The following HMCN1 variants were observed in gnomAD, a reference collection of about 807,000 sequenced individuals.
HMCN1 encodes hemicentin 1, also known as hemicentin-1.
In HMCN1, 321 loss-of-function variants were observed where a neutral mutation model predicts 625.9. That is an observed-to-expected ratio of 0.51 (90% CI 0.47 to 0.56). HMCN1 has a LOEUF of 0.56. HMCN1 is among the 20% of genes least tolerant of loss of function. HMCN1 has a pLI of 0.00. For missense variants in HMCN1, 6,588 were observed against 6,887.3 expected, an observed-to-expected ratio of 0.96 and a Z score of 1.54; for synonymous variants, 2,425 against 2,417.6, an observed-to-expected ratio of 1.00 and a Z score of -0.09.
Position 185,977,941 on chromosome 1 carries a change from T to C in HMCN1, c.2526T>C (p.Ser842=), listed in dbSNP as rs1206108562. ...MPIFSRPFSV[S]SISQLRTGAL... The stretch of plus-strand genomic sequence containing the variant: ...TTTTCTCAAGACCTTTTTCAGTTAG[T>C]TCCATCAGCCAACTAAGAACAGGAG... Residue 842 remains serine (S), a synonymous_variant, in exon 16 of 107, where the codon AGT becomes AGC. Coordinates refer to ENST00000271588, the MANE Select transcript of HMCN1 (RefSeq NM_031935.3). 1 of 1,613,246 alleles carries C rather than the reference T, an allele frequency of 6.2e-7. No homozygotes were observed. Among genetic ancestry groups the C allele is most frequent in the East Asian group, 2.2e-5 (1 of 44,800 alleles).
At chr1:185,854,581 C>T (rs1418859514) in intron 2 of HMCN1, among the ~76,000 whole-genome samples, 1 of 152,166 alleles carries the variant, frequency 6.6e-6, no homozygotes, top group Non-Finnish European at 1.5e-5. Context: ...CTGTCATCAG[C>T]TAAGTCCCTC....
intron 4 of HMCN1, among the ~76,000 whole-genome samples, chr1:185,903,212 G>T (rs898431388): frequency 1.5e-4 from 22 of 151,690 alleles, no homozygotes; most frequent in Non-Finnish European, 3.0e-4. Flanking sequence ...AATGTCTAAA[G>T]TGTGCTTTTA....
At position 186,003,831 on chromosome 1, in the gene HMCN1, T is replaced by C. The variant is rs778618316; in HGVS notation, c.4462T>C (p.Phe1488Leu). 1 of 1,613,304 alleles carries C rather than the reference T, an allele frequency of 6.2e-7. No homozygotes were observed. Among genetic ancestry groups the C allele is most frequent in the Non-Finnish European group, 8.5e-7 (1 of 1,179,420 alleles). ...KGTPFPDIHWFKDGKPLFLGD... is the reference protein window; with the variant it reads ...KGTPFPDIHWLKDGKPLFLGD... ...CACTCCCTTTCCTGATATTCATTGG[T>C]TCAAAGATGGCAAGTGAGTATCTTT... The change falls in exon 29 of 107, where the codon TTC (phenylalanine) becomes CTC (leucine). Residue 1488 changes from phenylalanine to leucine, a missense_variant. By Grantham distance (22) the Phe-to-Leu change is conservative (BLOSUM62 0). Coordinates refer to ENST00000271588, the MANE Select transcript of HMCN1 (RefSeq NM_031935.3).
At chr1:186,030,362 G>A (rs1655341487) in intron 36 of HMCN1, among the ~76,000 whole-genome samples, 2 of 151,858 alleles carry the variant, frequency 1.3e-5, no homozygotes, top group Admixed American at 6.6e-5. Context: ...GTGTATATTG[G>A]GGATCTGTTG....
intron 10 of HMCN1, 31 bp from the exon 11 acceptor site, chr1:185,933,518 C>T (rs1232433351): frequency 1.9e-6 from 3 of 1,613,110 alleles, no homozygotes; most frequent in African/African-American, 2.7e-5. Flanking sequence ...GCTTTTAGGT[C>T]TCTTGATTTG....
At chr1:186,163,758 T>A (rs1482913824) in intron 97 of HMCN1, among the ~76,000 whole-genome samples, 6 of 152,206 alleles carry the variant, frequency 3.9e-5, no homozygotes, top group African/African-American at 1.2e-4. Flanking sequence ...GGACAAATCA[T>A]CATCTTGCAA....
rs115067643 is a variant in HMCN1, at chr1:186,065,519, G to A, written c.7705+90G>A. ...CTTTTTCTGTTCAAGTAATGTTTCC[G>A]TCGTAGAATTTCATCATGTAAGGAG... On this transcript the variant is annotated intron_variant, in intron 49 of 106. Coordinates refer to ENST00000271588, the MANE Select transcript of HMCN1 (RefSeq NM_031935.3). 5.1e-3 allele frequency: 4,772 copies of A among 942,814 alleles called. 104 individuals are homozygous for A. The African/African-American group carries it at 0.057, about 11-fold the overall frequency. 58.4% of individuals were successfully genotyped at this position (942,814 alleles called of 1,614,324 possible). A position where few individuals can be genotyped will look rare whatever the true frequency, so the allele number is the denominator to read the frequency against.
intron 58 of HMCN1, 137 bp downstream of exon 58, chr1:186,086,544 A>C: frequency 2.4e-6 from 2 of 848,740 alleles, no homozygotes; most frequent in Admixed American, 4.4e-5. Flanking sequence ...CTCTTTGCCC[A>C]TTTGTGGTCA....
intron 4 of HMCN1, among the ~76,000 whole-genome samples, chr1:185,901,855 A>T (rs980504183): frequency 6.6e-6 from 1 of 151,794 alleles, no homozygotes; most frequent in Non-Finnish European, 1.5e-5. Context: ...CTTTGAAATG[A>T]GGTCTATATT....
rs149435109 is a variant in HMCN1, at chr1:186,074,822, G to A, written c.8221G>A (p.Gly2741Arg). 41 of 1,612,728 alleles carry A rather than the reference G, an allele frequency of 2.5e-5. No individual in the cohort carries two copies. The highest frequency in any genetic ancestry group is 1.1e-4 in the South Asian group (10 of 91,062). The change falls in exon 53 of 107, where the codon GGA (glycine) becomes AGA (arginine). Residue 2741 changes from glycine to arginine, a missense_variant. Transcript: ENST00000271588. ...AAAGGAGGCTCAAATATCAGACACC[G>A]GACGATATACTTGTGTAGCATCTAA... Reference protein sequence around the residue: ...QIKEAQISDTGRYTCVASNIA... With the variant: ...QIKEAQISDTRRYTCVASNIA...
chr1:185,738,208 A>G (rs991839115), intron 1 of HMCN1, among the ~76,000 whole-genome samples: 6 of 152,236 alleles, frequency 3.9e-5, no homozygotes, highest in East Asian at 1.9e-4. Flanking sequence ...GATGCTTTTC[A>G]GTATATTCAC....
At chr1:186,020,275 T>TGATAGAG (rs1654639864) in intron 35 of HMCN1, among the ~76,000 whole-genome samples, 1 of 114,568 alleles carries the variant, frequency 8.7e-6, no homozygotes, top group Non-Finnish European at 1.8e-5. Context: ...AGATGATAGA[T>TGATAGAG]TTCAAATCTG....
intron 1 of HMCN1, among the ~76,000 whole-genome samples, chr1:185,754,735 C>T (rs1260327204): frequency 6.6e-6 from 1 of 152,026 alleles, no homozygotes; most frequent in Admixed American, 6.5e-5. Context: ...GTAGTCCCAG[C>T]TACTTGGGAG....
intron 1 of HMCN1, among the ~76,000 whole-genome samples, chr1:185,822,815 C>T (rs1316437243): frequency 2.0e-5 from 3 of 151,916 alleles, no homozygotes; most frequent in African/African-American, 7.3e-5. Context: ...GGAAAACATC[C>T]CTGTTTTGGG....
intron 1 of HMCN1, among the ~76,000 whole-genome samples, chr1:185,747,651 C>T (rs1441941269): frequency 3.3e-5 from 5 of 152,064 alleles, no homozygotes; most frequent in African/African-American, 9.7e-5. Flanking sequence ...TTAATAAAGT[C>T]GTATTTAATC....
At chr1:186,026,172 T>C (rs1056347075) in intron 36 of HMCN1, among the ~76,000 whole-genome samples, 47 of 152,194 alleles carry the variant, frequency 3.1e-4, no homozygotes, top group African/African-American at 1.1e-3. Flanking sequence ...ATAACTTTAC[T>C]GATAATTGGA....
In HMCN1 at chr1:185,907,037, G is replaced by T. The variant is rs115200236; in HGVS notation, c.622-2300G>T. 7.6e-3 allele frequency among the ~76,000 whole-genome samples: 1,123 copies of T among 148,190 alleles called. 8 individuals carry two copies. Among genetic ancestry groups the T allele is most frequent in the African/African-American group, 0.027 (1,073 of 40,410 alleles). ...AAATGTCAACACTCTGATTATTAAA[G>T]TATGTGTTCTATATATGGTCAATGT... On this transcript the variant is annotated intron_variant, in intron 4 of 106. Coordinates refer to ENST00000271588, the MANE Select transcript of HMCN1 (RefSeq NM_031935.3).
intron 11 of HMCN1, among the ~76,000 whole-genome samples, chr1:185,950,246 G>T (rs28784656): frequency 0.029 from 4,351 of 149,104 alleles, 128 homozygotes; most frequent in African/African-American, 0.073. Flanking sequence ...TGAAGGAGCC[G>T]GGAAGCAGAA....
At chr1:186,069,445 G>T (rs1279714842) in intron 50 of HMCN1, among the ~76,000 whole-genome samples, 1 of 152,160 alleles carries the variant, frequency 6.6e-6, no homozygotes, top group Non-Finnish European at 1.5e-5. Flanking sequence ...GAGCATGAGA[G>T]TCATCACCAC....
Sources: allele counts gnomAD v4.1 joint callset (sites outside exome capture counted in the v4.1 genomes callset), GRCh38; gene constraint gnomAD v4.1.1; transcripts MANE v1.5; gene names NCBI Gene and HGNC (gene_info 2026-07-23, HGNC 2026-07-21).